Variants in BAZ1A observed in about 807,000 individuals in gnomAD.
BAZ1A encodes the protein bromodomain adjacent to zinc finger domain 1A.
BAZ1A carries 50 observed loss-of-function variants against 185.2 expected under a neutral mutation model. The ratio of observed to expected loss-of-function variants is 0.27; its 90% confidence interval spans 0.22 to 0.34. The LOEUF is 0.34. BAZ1A is among the 10% of genes least tolerant of loss of function. The pLI, the probability that BAZ1A is intolerant of heterozygous loss-of-function variation, is 1.00. For missense variants in BAZ1A, 1,356 were observed against 1,839.9 expected, an observed-to-expected ratio of 0.74 and a Z score of 4.81; for synonymous variants, 571 against 615.6, an observed-to-expected ratio of 0.93 and a Z score of 1.07.
rs1025930677 is a variant in BAZ1A at position 34,758,905 on chromosome 14, C to T, written c.4244-59G>A. ...CAAAGCAAAATATTGGTTCACTACA[C>T]GCCAAACTGGATATATAAATACCAA... is the stretch of plus-strand genomic sequence containing the variant. On this transcript the variant is annotated intron_variant, in intron 24 of 26. Transcript: ENST00000360310. 145 of 1,536,828 alleles carry T rather than the reference C, an allele frequency of 9.4e-5. 1 individual carries two copies. Among genetic ancestry groups the T allele is most frequent in the East Asian group, 6.3e-4 (28 of 44,326 alleles).
intron 3 of BAZ1A, among the ~76,000 whole-genome samples, chr14:34,848,059 G>T (rs1006532788): frequency 3.3e-5 from 5 of 151,892 alleles, no homozygotes; most frequent in Admixed American, 6.6e-5. Context: ...GCGGGGTTTT[G>T]TCATGTTGCT....
At chr14:34,853,133 T>C (rs890565169) in intron 3 of BAZ1A, among the ~76,000 whole-genome samples, 7 of 152,188 alleles carry the variant, frequency 4.6e-5, no homozygotes, top group African/African-American at 1.7e-4. Context: ...ACTGATATAA[T>C]ATAGACACAA....
intron 9 of BAZ1A, among the ~76,000 whole-genome samples, chr14:34,797,330 C>A (rs551777454): frequency 1.3e-5 from 2 of 151,994 alleles, no homozygotes. Context: ...GAGGTCGAGG[C>A]GGGCAGATCA....
intron 5 of BAZ1A, among the ~76,000 whole-genome samples, chr14:34,808,456 C>G (rs1374689118): frequency 1.3e-5 from 2 of 152,094 alleles, no homozygotes; most frequent in African/African-American, 4.8e-5. Flanking sequence ...CGAGATCGTG[C>G]TGCTGCACTC....
chr14:34,784,709 G>A lies in BAZ1A; in HGVS notation c.1832-782C>T, dbSNP rs573409281. ...ATTTTTTTGTATTTTCAGTAGAGACGGGGTTTCACTGTGTTAGCCAGGGTG... is the reference window on the plus strand; with the variant it reads ...ATTTTTTTGTATTTTCAGTAGAGACAGGGTTTCACTGTGTTAGCCAGGGTG... On this transcript the variant is annotated intron_variant, in intron 14 of 26. Transcript: ENST00000360310. Among the ~76,000 whole-genome samples, 124 of 151,812 alleles carry A rather than the reference G, an allele frequency of 8.2e-4. 1 individual carries two copies. The South Asian group carries it at 0.019, about 23-fold the overall frequency.
intron 25 of BAZ1A, among the ~76,000 whole-genome samples, chr14:34,756,147 T>C (rs1420890543): frequency 7.1e-6 from 1 of 141,294 alleles, no homozygotes; most frequent in South Asian, 2.3e-4. Flanking sequence ...AGAGTCTCAC[T>C]CTGTCACCCA....
At chr14:34,851,855 T>G (rs751245287) in intron 3 of BAZ1A, among the ~76,000 whole-genome samples, 1 of 151,972 alleles carries the variant, frequency 6.6e-6, no homozygotes, top group African/African-American at 2.4e-5. Flanking sequence ...AGGCCGGGCG[T>G]GGTGGCTCAT....
At chr14:34,754,219 T>C (rs1414998830) in intron 26 of BAZ1A, among the ~76,000 whole-genome samples, 3 of 140,576 alleles carry the variant, frequency 2.1e-5, no homozygotes, top group Non-Finnish European at 3.0e-5. Flanking sequence ...ACCACTGCAC[T>C]CCAGCCTGGG....
intron 2 of BAZ1A, among the ~76,000 whole-genome samples, chr14:34,863,882 T>C (rs1402660378): frequency 6.6e-6 from 1 of 151,976 alleles, no homozygotes; most frequent in East Asian, 1.9e-4. Flanking sequence ...TCTCACTCTG[T>C]TGTCCAGACT....
intron 3 of BAZ1A, among the ~76,000 whole-genome samples, chr14:34,833,230 C>A (rs4982224): frequency 0.58 from 87,711 of 151,310 alleles, 25,621 homozygotes; most frequent in South Asian, 0.67. Flanking sequence ...AACAAACAAA[C>A]AAAAAACCCC....
chr14:34,783,586 C>T (rs1018564997), intron 15 of BAZ1A, among the ~76,000 whole-genome samples, 176 bp downstream of exon 15: 2 of 152,062 alleles, frequency 1.3e-5, no homozygotes, highest in African/African-American at 4.8e-5. Flanking sequence ...TCCACCCTCC[C>T]AAAGTGCTGG....
chr14:34,757,600 G>A (rs1056531943), intron 25 of BAZ1A, among the ~76,000 whole-genome samples: 1 of 151,900 alleles, frequency 6.6e-6, no homozygotes, highest in Non-Finnish European at 1.5e-5. Context: ...GGGAGGTGGA[G>A]GTTGCGGTGA....
At chr14:34,817,548 G>A (rs912945365) in intron 4 of BAZ1A, among the ~76,000 whole-genome samples, 2 of 152,304 alleles carry the variant, frequency 1.3e-5, no homozygotes, top group South Asian at 2.1e-4. Context: ...AGATTGCGCT[G>A]TTGCGCAACA....
chr14:34,801,904 T>C (rs1373031782), intron 7 of BAZ1A, among the ~76,000 whole-genome samples: 2 of 48,172 alleles, frequency 4.2e-5, no homozygotes, highest in Non-Finnish European at 8.7e-5. Context: ...AGACTCCATC[T>C]CAAAAAAAAA....
intron 1 of BAZ1A, 55 bp downstream of exon 1, chr14:34,875,083 C>T (rs1320613796): frequency 1.4e-5 from 5 of 359,542 alleles, no homozygotes; most frequent in South Asian, 4.0e-5. Flanking sequence ...CCGCTTTGTT[C>T]CCGGCTCGCC....
Position 34,776,187 on chromosome 14 carries a change from T to A in BAZ1A, c.2565A>T (p.Val855=). 1 of 1,614,208 alleles carries A rather than the reference T, an allele frequency of 6.2e-7. No individual in the cohort carries two copies. Among genetic ancestry groups the A allele is most frequent in the Non-Finnish European group, 8.5e-7 (1 of 1,180,030 alleles). The change falls in exon 18 of 27, where the codon GTA becomes GTT. Residue 855 remains valine (V), a synonymous_variant. Coordinates refer to ENST00000360310, the MANE Select transcript of BAZ1A (RefSeq NM_013448.3). ...QNNVQSQDPQ[V]STKTGEPLMS... Reference sequence around the variant, plus strand: ...TCAAAGGCTCTCCAGTTTTAGTGGATACCTGAGGATCTTGAGACTGTACAT... The same window carrying A: ...TCAAAGGCTCTCCAGTTTTAGTGGAAACCTGAGGATCTTGAGACTGTACAT...
At chr14:34,795,595 G>T in intron 10 of BAZ1A, 75 bp downstream of exon 10, 2 of 995,682 alleles carry the variant, frequency 2.0e-6, no homozygotes, top group Non-Finnish European at 1.4e-6. Context: ...TATTAAATAA[G>T]AATGATTTCA....
At position 34,762,058 on chromosome 14, in the gene BAZ1A, G is replaced by A; in HGVS notation, c.3942C>T (p.Ser1314=). Residue 1314 remains serine, a synonymous_variant, in exon 24 of 27, where the codon AGC becomes AGT. Transcript: ENST00000360310. ...GAGGAGCAGAGTTTATCTTTCTTAG[G>A]CTTCTACCAGTTTTAGAAGAAACAG... The part of the protein sequence containing the change: ...KTTVSSKTGR[S]LRKINSAPPT... 1.2e-6 allele frequency: 2 copies of A among 1,614,108 alleles called. No homozygotes were observed. Among genetic ancestry groups the A allele is most frequent in the Non-Finnish European group, 1.7e-6 (2 of 1,180,012 alleles).
chr14:34,819,232 T>C (rs970336262), intron 4 of BAZ1A, among the ~76,000 whole-genome samples: 1 of 151,884 alleles, frequency 6.6e-6, no homozygotes, highest in African/African-American at 2.4e-5. Context: ...GGTATATAGT[T>C]TGGTACTATC....
Sources: gnomAD v4.1 joint callset for allele counts (sites outside exome capture counted in the v4.1 genomes callset) on GRCh38, gnomAD v4.1.1 for gene constraint, MANE v1.5 for transcripts, NCBI Gene and HGNC (gene_info 2026-07-23, HGNC 2026-07-21) for gene names.